The following TNIK variants were observed in gnomAD, a reference collection of about 807,000 sequenced individuals.
TNIK encodes TRAF2 and NCK-interacting protein kinase.
TNIK carries 49 observed loss-of-function variants against 191.3 expected under a neutral mutation model. That is an observed-to-expected ratio of 0.26 (90% CI 0.20 to 0.32). The LOEUF (loss-of-function observed/expected upper bound fraction) is 0.32. TNIK is among the 10% of genes least tolerant of loss of function. The pLI is 1.00. For synonymous variants in TNIK, 594 were observed against 600.9 expected, an observed-to-expected ratio of 0.99 and a Z score of 0.17; for missense variants, 1,155 against 1,702.3, an observed-to-expected ratio of 0.68 and a Z score of 5.66.
intron 2 of TNIK, among the ~76,000 whole-genome samples, chr3:171,261,937 C>T (rs1269030512): frequency 1.3e-5 from 2 of 152,130 alleles, no homozygotes; most frequent in Non-Finnish European, 2.9e-5. Context: ...TGAGCTGTTT[C>T]CTGGATAACA....
At chr3:171,359,122 T>C (rs530560098) in intron 2 of TNIK, among the ~76,000 whole-genome samples, 2 of 152,274 alleles carry the variant, frequency 1.3e-5, no homozygotes, top group South Asian at 4.1e-4. Context: ...GTAATTACTG[T>C]ATGTACGTTC....
intron 2 of TNIK, among the ~76,000 whole-genome samples, chr3:171,286,944 C>T (rs142342283): frequency 1.1e-3 from 165 of 152,254 alleles, no homozygotes; most frequent in African/African-American, 3.7e-3. Context: ...TTTTTGTATT[C>T]ATATCTGTTT....
intron 7 of TNIK, among the ~76,000 whole-genome samples, chr3:171,178,722 A>G (rs1381950506): frequency 6.6e-6 from 1 of 152,200 alleles, no homozygotes; most frequent in African/African-American, 2.4e-5. Context: ...ATTTGGTTCA[A>G]TGGCCCACAT....
At chr3:171,402,055 A>T (rs1721020373) in intron 1 of TNIK, among the ~76,000 whole-genome samples, 1 of 152,248 alleles carries the variant, frequency 6.6e-6, no homozygotes, top group Non-Finnish European at 1.5e-5. Context: ...AAGAAATGCT[A>T]ATAATCATAT....
chr3:171,075,304 T>G (rs993084468), intron 28 of TNIK, among the ~76,000 whole-genome samples: 2 of 152,236 alleles, frequency 1.3e-5, no homozygotes, highest in Non-Finnish European at 1.5e-5. Flanking sequence ...TGACCTGTTC[T>G]CAAAGAAAGC....
At chr3:171,251,404 T>C (rs192052484) in intron 2 of TNIK, among the ~76,000 whole-genome samples, 4 of 152,326 alleles carry the variant, frequency 2.6e-5, no homozygotes, top group East Asian at 3.9e-4. Context: ...TTGGATGATA[T>C]GAACTGATAG....
chr3:171,103,532 CTATGAA>C (rs1482343644), intron 21 of TNIK, among the ~76,000 whole-genome samples: 2 of 151,894 alleles, frequency 1.3e-5, no homozygotes, highest in East Asian at 3.9e-4. Context: ...TTTGTTAAGG[CTATGAA>C]AGAAAAGGAT....
chr3:171,436,316 C>G (rs1350941817), intron 1 of TNIK, among the ~76,000 whole-genome samples: 1 of 152,236 alleles, frequency 6.6e-6, no homozygotes, highest in Non-Finnish European at 1.5e-5. Flanking sequence ...GCACCAGATT[C>G]AGAGTAGGCT....
chr3:171,430,630 T>C (rs1480802331), intron 1 of TNIK, among the ~76,000 whole-genome samples: 1 of 139,200 alleles, frequency 7.2e-6, no homozygotes, highest in Admixed American at 7.4e-5. Context: ...GAGTGACACC[T>C]TGTCTCAAAA....
At chr3:171,411,153 G>C (rs531866581) in intron 1 of TNIK, among the ~76,000 whole-genome samples, 3 of 151,216 alleles carry the variant, frequency 2.0e-5, no homozygotes, top group Non-Finnish European at 4.4e-5. Context: ...TTGCAGCCTC[G>C]AATGCCTGAG....
At chr3:171,169,288 G>A (rs1413630010) in intron 9 of TNIK, among the ~76,000 whole-genome samples, 3 of 149,772 alleles carry the variant, frequency 2.0e-5, no homozygotes, top group African/African-American at 7.4e-5. Context: ...TTTTTTTTTA[G>A]ATGGAGTCTT....
intron 11 of TNIK, among the ~76,000 whole-genome samples, chr3:171,160,068 A>C (rs1225682536): frequency 2.0e-5 from 3 of 152,220 alleles, no homozygotes; most frequent in African/African-American, 7.2e-5. Flanking sequence ...CTCTGAAAGC[A>C]GGGCGTTTGG....
At chr3:171,298,257 C>T (rs1752526483) in intron 2 of TNIK, among the ~76,000 whole-genome samples, 1 of 152,178 alleles carries the variant, frequency 6.6e-6, no homozygotes, top group Non-Finnish European at 1.5e-5. Flanking sequence ...AGGTATGCCC[C>T]TTCCCCCAAA....
chr3:171,136,299 G>C (rs910127601), intron 15 of TNIK, among the ~76,000 whole-genome samples: 2 of 152,164 alleles, frequency 1.3e-5, no homozygotes, highest in Non-Finnish European at 2.9e-5. Flanking sequence ...TTGTAAAGAT[G>C]CATGAGTTCA....
chr3:171,387,880 G>A (rs1271746894), intron 1 of TNIK, among the ~76,000 whole-genome samples: 1 of 151,170 alleles, frequency 6.6e-6, no homozygotes, highest in Non-Finnish European at 1.5e-5. Context: ...GTTCTCAGGA[G>A]AAATTTGCAG....
Position 171,460,017 on chromosome 3 carries a change from G to A in TNIK, c.47C>T (p.Ser16Leu), listed in dbSNP as rs747144259. 5 of 1,607,700 alleles carry A rather than the reference G, an allele frequency of 3.1e-6. No individual in the cohort carries two copies. Among genetic ancestry groups the A allele is most frequent in the South Asian group, 2.2e-5 (2 of 89,654 alleles). The change falls in exon 1 of 33, where the codon TCG (serine) becomes TTG (leucine). Residue 16 changes from serine to leucine, a missense_variant. Ser to Leu is a moderately radical substitution (Grantham distance 145). Around this residue, in one of 3 missense-constraint regions of TNIK, gnomAD observed 225 missense variants for 438.9 expected, o/e 0.51. Coordinates refer to ENST00000436636, the MANE Select transcript of TNIK (RefSeq NM_015028.4). The surrounding 1 kb of genome is among the most constrained non-coding windows in gnomAD (Gnocchi z 6.8). ...AAACGTCCTGCTCACCCTCAGAGCC[G>A]AGAGATCTATTTCATCCAGGCTTCG... is the stretch of plus-strand genomic sequence containing the variant. ...PARSLDEIDLSALRDPAGIFE... is the reference protein window; with the variant it reads ...PARSLDEIDLLALRDPAGIFE...
At chr3:171,351,810 C>A (rs1385539232) in intron 2 of TNIK, among the ~76,000 whole-genome samples, 1 of 152,182 alleles carries the variant, frequency 6.6e-6, no homozygotes, top group East Asian at 1.9e-4. Context: ...TATGACAAAC[C>A]AACCACACTG....
intron 2 of TNIK, among the ~76,000 whole-genome samples, chr3:171,228,641 T>C (rs1743235021): frequency 6.6e-6 from 1 of 152,244 alleles, no homozygotes; most frequent in Non-Finnish European, 1.5e-5. Context: ...TGGTTTTAAC[T>C]GGATATGATT....
chr3:171,096,083 C>T (rs1403301381), intron 22 of TNIK, among the ~76,000 whole-genome samples: 2 of 152,046 alleles, frequency 1.3e-5, no homozygotes, highest in Non-Finnish European at 1.5e-5. Flanking sequence ...GCCAATAAAT[C>T]AATGAAGTAC....
Sources: allele counts gnomAD v4.1 joint callset (sites outside exome capture counted in the v4.1 genomes callset), GRCh38; gene constraint gnomAD v4.1.1; regional missense constraint gnomAD v4.1.1; non-coding constraint Gnocchi (gnomAD v3.1); transcripts MANE v1.5; gene names NCBI Gene and HGNC (gene_info 2026-07-23, HGNC 2026-07-21).